The following AUTS2 variants were observed in gnomAD, a reference collection of about 807,000 sequenced individuals.
AUTS2 encodes activator of transcription and developmental regulator AUTS2, also known as autism susceptibility gene 2 protein.
Under a neutral mutation model 112.4 loss-of-function variants are expected in AUTS2, and 17 were observed. That is an observed-to-expected ratio of 0.15 (90% CI 0.10 to 0.23). The LOEUF is 0.23. Among genes scored for constraint, AUTS2 ranks in the 10% least tolerant of loss-of-function variants. The pLI is 1.00. For missense variants in AUTS2, 1,510 were observed against 1,701.6 expected, an observed-to-expected ratio of 0.89 and a Z score of 1.98; for synonymous variants, 751 against 702.7, an observed-to-expected ratio of 1.07 and a Z score of -1.09.
intron 3 of AUTS2, among the ~76,000 whole-genome samples, chr7:70,123,653 A>ATCTATGT (rs1408191804): frequency 2.3e-4 from 35 of 152,312 alleles, no homozygotes; most frequent in African/African-American, 8.2e-4. Flanking sequence ...CTCCAGCACT[A>ATCTATGT]TCTATGTTCC....
intron 4 of AUTS2, among the ~76,000 whole-genome samples, chr7:70,389,658 C>T (rs1363118413): frequency 6.6e-6 from 1 of 152,026 alleles, no homozygotes; most frequent in African/African-American, 2.4e-5. Context: ...TTTTATGTGC[C>T]ATGTGCCTTG....
intron 2 of AUTS2, among the ~76,000 whole-genome samples, chr7:70,002,117 T>C (rs1431891562): frequency 4.6e-5 from 7 of 152,288 alleles, no homozygotes; most frequent in Admixed American, 2.0e-4. Context: ...ACAAGTGATA[T>C]AAGTAAACAC....
chr7:70,764,784 A>G lies in AUTS2; in HGVS notation c.1247A>G (p.Gln416Arg), dbSNP rs143679158. 135 of 816,374 alleles carry G rather than the reference A, an allele frequency of 1.7e-4. No homozygotes were observed. The highest frequency in any genetic ancestry group is 6.6e-4 in the Middle Eastern group (3 of 4,564). The allele number at this position is 816,374 out of a possible 1,614,324, so 50.6% of individuals were successfully genotyped here. A position where few individuals can be genotyped will look rare whatever the true frequency, so the allele number is the denominator to read the frequency against. ...SSRSSTPAKT[Q>R]PAPPHISHHP... ...AGAAGCAGCACTCCAGCGAAGACTC[A>G]GCCCGCCCCACCTCACATCTCCCAC... Residue 416 changes from glutamine to arginine, a missense_variant, in exon 8 of 19, where the codon CAG becomes CGG. Around this residue, in one of 3 missense-constraint regions of AUTS2, gnomAD observed 535 missense variants for 594.3 expected, o/e 0.90. Coordinates refer to ENST00000342771, the MANE Select transcript of AUTS2 (RefSeq NM_015570.4).
At chr7:70,163,147 T>C (rs1290139440) in intron 4 of AUTS2, among the ~76,000 whole-genome samples, 1 of 151,684 alleles carries the variant, frequency 6.6e-6, no homozygotes, top group East Asian at 1.9e-4. Context: ...CTGCCAGCTA[T>C]GAGGTTTGGT....
chr7:69,757,848 A>G (rs1299653024), intron 1 of AUTS2, among the ~76,000 whole-genome samples: 1 of 152,206 alleles, frequency 6.6e-6, no homozygotes, highest in Non-Finnish European at 1.5e-5. Context: ...GCAAATGTGC[A>G]ATACAAAAAA....
chr7:69,752,041 T>C (rs1222013163), intron 1 of AUTS2, among the ~76,000 whole-genome samples: 1 of 152,230 alleles, frequency 6.6e-6, no homozygotes, highest in African/African-American at 2.4e-5. Flanking sequence ...TCTCTGTCCC[T>C]TAATGTGGTC....
intron 4 of AUTS2, among the ~76,000 whole-genome samples, chr7:70,326,021 C>T (rs1019525298): frequency 3.9e-5 from 6 of 152,206 alleles, no homozygotes; most frequent in Non-Finnish European, 7.3e-5. Context: ...AGTTTCTCTG[C>T]CTGCTTTTTG....
intron 5 of AUTS2, among the ~76,000 whole-genome samples, chr7:70,607,791 G>T (rs910984639): frequency 7.6e-4 from 115 of 152,168 alleles, no homozygotes; most frequent in African/African-American, 2.7e-3. Context: ...AGGGAAAAAT[G>T]AGAATATTTA....
chr7:70,713,488 G>A (rs1434539822), intron 6 of AUTS2, among the ~76,000 whole-genome samples: 1 of 152,188 alleles, frequency 6.6e-6, no homozygotes, highest in East Asian at 1.9e-4. Context: ...TACCTAAATA[G>A]TAAAGCTTTT....
chr7:70,159,640 G>A (rs541808922), intron 4 of AUTS2, among the ~76,000 whole-genome samples: 1 of 152,198 alleles, frequency 6.6e-6, no homozygotes, highest in African/African-American at 2.4e-5. Flanking sequence ...GCAATGCTGG[G>A]GGTGTTTAAA....
At chr7:69,615,325 C>T (rs889825971) in intron 1 of AUTS2, among the ~76,000 whole-genome samples, 1 of 152,078 alleles carries the variant, frequency 6.6e-6, no homozygotes, top group African/African-American at 2.4e-5. Flanking sequence ...TTTTTTGAGA[C>T]AGAGTCTTGC....
chr7:69,637,890 C>A (rs1794622511), intron 1 of AUTS2, among the ~76,000 whole-genome samples: 1 of 152,064 alleles, frequency 6.6e-6, no homozygotes, highest in Admixed American at 6.5e-5. Context: ...ATTTGCAGCA[C>A]CTGAAAGTGC....
chr7:70,129,184 A>G (rs1443967729), intron 3 of AUTS2, among the ~76,000 whole-genome samples: 3 of 152,206 alleles, frequency 2.0e-5, no homozygotes, highest in African/African-American at 7.2e-5. Context: ...AACCTATAGT[A>G]TAACTCTAGT....
chr7:70,704,221 C>T (rs568448350), intron 6 of AUTS2, among the ~76,000 whole-genome samples: 2 of 152,316 alleles, frequency 1.3e-5, no homozygotes, highest in South Asian at 4.1e-4. Flanking sequence ...GTGGTGAATC[C>T]TGGGATACTG....
At chr7:70,396,268 T>C (rs1794076274) in intron 4 of AUTS2, among the ~76,000 whole-genome samples, 1 of 152,190 alleles carries the variant, frequency 6.6e-6, no homozygotes, top group African/African-American at 2.4e-5. Context: ...AGCTACCTGA[T>C]ATACCTTCTG....
intron 6 of AUTS2, among the ~76,000 whole-genome samples, chr7:70,712,148 C>T (rs181560922): frequency 5.3e-4 from 79 of 150,370 alleles, no homozygotes; most frequent in African/African-American, 1.5e-3. Context: ...CTCAGCCTCC[C>T]AAGTAGGCTA....
chr7:69,887,899 G>A (rs934427223), intron 1 of AUTS2, among the ~76,000 whole-genome samples: 2 of 152,122 alleles, frequency 1.3e-5, no homozygotes, highest in South Asian at 2.1e-4. Flanking sequence ...TTAATAAGGC[G>A]ATTTATGTTA....
intron 1 of AUTS2, among the ~76,000 whole-genome samples, chr7:69,848,455 T>C (rs1792311142): frequency 6.6e-6 from 1 of 152,194 alleles, no homozygotes; most frequent in Admixed American, 6.5e-5. Context: ...TTGTTCTCTT[T>C]AAAGGGTTTT....
At chr7:70,093,464 G>T (rs2129568070) in intron 2 of AUTS2, among the ~76,000 whole-genome samples, 1 of 152,330 alleles carries the variant, frequency 6.6e-6, no homozygotes, top group East Asian at 1.9e-4. Context: ...TGATTCACTT[G>T]TCTGACTTCC....
Sources: allele counts gnomAD v4.1 joint callset (sites outside exome capture counted in the v4.1 genomes callset), GRCh38; gene constraint gnomAD v4.1.1; regional missense constraint gnomAD v4.1.1; transcripts MANE v1.5; gene names NCBI Gene and HGNC (gene_info 2026-07-23, HGNC 2026-07-21).